The following TMEM132D variants were observed in gnomAD, a reference collection of about 807,000 sequenced individuals.
TMEM132D encodes transmembrane protein 132D, also known as mature OL transmembrane protein.
TMEM132D carries 21 observed loss-of-function variants against 62.3 expected under a neutral mutation model. The observed-to-expected ratio is 0.34, with a 90% CI of 0.24 to 0.49. The LOEUF (loss-of-function observed/expected upper bound fraction) is 0.49, where lower values mean the gene tolerates loss of function less well. TMEM132D is among the 20% of genes least tolerant of loss of function. TMEM132D has a pLI of 0.99. For missense variants in TMEM132D, 1,346 were observed against 1,402.8 expected (o/e 0.96, Z 0.65); for synonymous variants, 621 against 575.6 (o/e 1.08, Z -1.13).
At chr12:129,259,718 G>A (rs1880503326) in intron 4 of TMEM132D, among the ~76,000 whole-genome samples, 1 of 152,162 alleles carries the variant, frequency 6.6e-6, no homozygotes, top group South Asian at 2.1e-4. Flanking sequence ...GAAGACAGGA[G>A]GTGGAGAAGT....
chr12:129,627,486 A>G (rs887608910), intron 2 of TMEM132D, among the ~76,000 whole-genome samples: 7 of 152,136 alleles, frequency 4.6e-5, no homozygotes, highest in Non-Finnish European at 7.4e-5. Context: ...CACATTTCTC[A>G]GAGTATGTCC....
At chr12:129,163,574 G>T (rs113612112) in intron 5 of TMEM132D, among the ~76,000 whole-genome samples, 13 of 152,322 alleles carry the variant, frequency 8.5e-5, no homozygotes, top group African/African-American at 3.1e-4. Flanking sequence ...CTGCTGCTGG[G>T]CAGTGGTGGG....
chr12:129,626,016 A>G (rs1186195686), intron 2 of TMEM132D, among the ~76,000 whole-genome samples: 1 of 152,192 alleles, frequency 6.6e-6, no homozygotes, highest in Non-Finnish European at 1.5e-5. Flanking sequence ...GAAGCATAGT[A>G]ACTGACAGTT....
chr12:129,122,957 T>C, intron 5 of TMEM132D, among the ~76,000 whole-genome samples: 1 of 150,804 alleles, frequency 6.6e-6, no homozygotes, highest in African/African-American at 2.4e-5. Flanking sequence ...ATAAAAAACT[T>C]GAAAGACCCT....
At chr12:129,873,405 GAAGACAATTAAA>G (rs1874318739) in intron 1 of TMEM132D, among the ~76,000 whole-genome samples, 1 of 152,158 alleles carries the variant, frequency 6.6e-6, no homozygotes, top group South Asian at 2.1e-4. Context: ...GGGCAGAAAT[GAAGACAATTAAA>G]AGAGAACCAG....
intron 1 of TMEM132D, among the ~76,000 whole-genome samples, chr12:129,805,612 C>A (rs1052352025): frequency 6.6e-6 from 1 of 151,902 alleles, no homozygotes; most frequent in Non-Finnish European, 1.5e-5. Flanking sequence ...TAGGCAATAC[C>A]ATTCAGGACA....
chr12:129,288,932 G>A (rs959275157), intron 4 of TMEM132D, among the ~76,000 whole-genome samples: 19 of 152,262 alleles, frequency 1.2e-4, no homozygotes, highest in East Asian at 5.8e-4. Context: ...ATGTGACAAC[G>A]TGAATAAACC....
At chr12:129,445,356 G>C (rs978097843) in intron 3 of TMEM132D, among the ~76,000 whole-genome samples, 1 of 152,022 alleles carries the variant, frequency 6.6e-6, no homozygotes, top group Non-Finnish European at 1.5e-5. Context: ...ATAACTAATG[G>C]GTACTAGGCT....
chr12:129,148,381 G>C (rs565450189), intron 5 of TMEM132D, among the ~76,000 whole-genome samples: 14 of 152,270 alleles, frequency 9.2e-5, no homozygotes, highest in Non-Finnish European at 2.1e-4. Context: ...AGGTTATCCT[G>C]GTTTATCTGG....
At chr12:129,682,792 G>A (rs1173236429) in intron 2 of TMEM132D, 2 of 147,892 alleles carry the variant, frequency 1.4e-5, no homozygotes, top group Non-Finnish European at 3.0e-5. Flanking sequence ...CCAGGAGGTG[G>A]AGCTTGCAGT....
chr12:129,299,453 A>G (rs1881656387), intron 4 of TMEM132D, among the ~76,000 whole-genome samples: 1 of 151,346 alleles, frequency 6.6e-6, no homozygotes, highest in Admixed American at 6.6e-5. Flanking sequence ...ATTGCAAGAA[A>G]AAATTTCAAC....
intron 2 of TMEM132D, among the ~76,000 whole-genome samples, chr12:129,570,542 G>C (rs933194259): frequency 2.6e-5 from 4 of 152,294 alleles, no homozygotes; most frequent in Non-Finnish European, 5.9e-5. Flanking sequence ...GGGACCTCTG[G>C]GAGCAGGTGT....
Position 129,209,547 on chromosome 12 carries a change from A to G in TMEM132D, c.1416T>C (p.Cys472=), listed in dbSNP as rs1223897797. ...TVTELLESVE[C]RSSDEDVIKV... is the part of the protein sequence containing the mutation. ...TAATCACGTCTTCATCAGACGATCT[A>G]CACTCCACAGACTCCAGCAGCTCTG... Residue 472 remains cysteine, a synonymous_variant, in exon 5 of 9, where the codon TGT becomes TGC. Transcript: ENST00000422113. 8.1e-6 allele frequency: 13 copies of G among 1,614,138 alleles called. 1 individual carries two copies. In the South Asian group the frequency reaches 1.3e-4, roughly 16 times the overall value.
At chr12:129,872,800 C>T (rs1000590225) in intron 1 of TMEM132D, among the ~76,000 whole-genome samples, 10 of 152,168 alleles carry the variant, frequency 6.6e-5, no homozygotes, top group Admixed American at 3.3e-4. Context: ...AGCTAATATC[C>T]ACCATGTCAA....
chr12:129,456,771 T>A (rs1322977979), intron 3 of TMEM132D, among the ~76,000 whole-genome samples: 1 of 152,198 alleles, frequency 6.6e-6, no homozygotes, highest in Non-Finnish European at 1.5e-5. Flanking sequence ...CTCTACGAGC[T>A]GCATCTCTCG....
At chr12:129,451,715 A>C (rs1424649045) in intron 3 of TMEM132D, among the ~76,000 whole-genome samples, 1 of 152,242 alleles carries the variant, frequency 6.6e-6, no homozygotes, top group Non-Finnish European at 1.5e-5. Flanking sequence ...AAAGACAGCC[A>C]GGACTGATAT....
rs1231412474 is a variant in TMEM132D at position 129,072,110 on chromosome 12, G to A, written c.*1765C>T. 1 of 149,978 alleles carries A rather than the reference G, an allele frequency of 6.7e-6. No individual in the cohort carries two copies. Among genetic ancestry groups the A allele is most frequent in the Non-Finnish European group, 1.5e-5 (1 of 67,868 alleles). 9.3% of individuals were successfully genotyped at this position (149,978 alleles called of 1,614,324 possible). A position where few individuals can be genotyped will look rare whatever the true frequency, so the allele number is the denominator to read the frequency against. ...AAAGAGAATTCAATTCTATGGAGAG[G>A]AAGAAGGAGTAAAGACACACACTCA... is the stretch of plus-strand genomic sequence containing the variant. On this transcript the variant is annotated 3_prime_UTR_variant, in exon 9 of 9. Transcript: ENST00000422113.
chr12:129,754,534 A>T (rs1022864197), intron 1 of TMEM132D, among the ~76,000 whole-genome samples: 2 of 152,148 alleles, frequency 1.3e-5, no homozygotes, highest in Non-Finnish European at 2.9e-5. Context: ...AGACAAGAAG[A>T]TGGGGTTCTT....
intron 3 of TMEM132D, among the ~76,000 whole-genome samples, chr12:129,367,469 T>C (rs1413849977): frequency 2.0e-5 from 3 of 152,056 alleles, no homozygotes; most frequent in Non-Finnish European, 4.4e-5. Flanking sequence ...GGTGTGGGCA[T>C]GGACCCAGGT....
Sources: allele counts gnomAD v4.1 joint callset (sites outside exome capture counted in the v4.1 genomes callset), GRCh38; gene constraint gnomAD v4.1.1; transcripts MANE v1.5; gene names NCBI Gene and HGNC (gene_info 2026-07-23, HGNC 2026-07-21).